Variants in GPHN observed in about 807,000 individuals in gnomAD.
GPHN encodes gephyrin.
GPHN carries 17 observed loss-of-function variants against 95.5 expected under a neutral mutation model. That is an observed-to-expected ratio of 0.18 (90% CI 0.12 to 0.27). GPHN has a LOEUF of 0.27. Ranked by LOEUF, GPHN falls within the 10% of genes least tolerant of loss-of-function variation. The pLI, the probability that GPHN is intolerant of heterozygous loss-of-function variation, is 1.00. For synonymous variants in GPHN, 320 were observed against 322.5 expected (o/e 0.99, Z 0.08); for missense variants, 660 against 978.1 (o/e 0.67, Z 4.34).
intron 2 of GPHN, among the ~76,000 whole-genome samples, chr14:66,748,315 T>C (rs1414693398): frequency 6.6e-6 from 1 of 152,068 alleles, no homozygotes; most frequent in Non-Finnish European, 1.5e-5. Flanking sequence ...ATAACATACT[T>C]TTAATTGATG....
At chr14:67,327,882 C>G in the GPHN span, among the ~76,000 whole-genome samples, 1 of 152,158 alleles carries the variant, frequency 6.6e-6, no homozygotes, top group African/African-American at 2.4e-5. Flanking sequence ...TTAATCCAGT[C>G]TATCATTGAT....
the GPHN span, among the ~76,000 whole-genome samples, chr14:67,301,662 C>A: frequency 6.6e-6 from 1 of 152,030 alleles, no homozygotes; most frequent in Admixed American, 6.6e-5. Flanking sequence ...ATTTTTGAAA[C>A]AACTTTTTCT....
At chr14:66,586,169 T>C (rs1226504483) in intron 1 of GPHN, among the ~76,000 whole-genome samples, 3 of 151,764 alleles carry the variant, frequency 2.0e-5, no homozygotes, top group Non-Finnish European at 4.4e-5. Context: ...CTTTTGCTCT[T>C]TGTTGGTTTA....
At chr14:67,634,430 C>CAAA in the GPHN span, among the ~76,000 whole-genome samples, 6 of 114,476 alleles carry the variant, frequency 5.2e-5, no homozygotes, top group Non-Finnish European at 7.5e-5. Context: ...CTATCTCTAC[C>CAAA]AAAAAAAAAA....
At chr14:67,562,590 C>A in the GPHN span, 1 of 1,612,806 alleles carries the variant, frequency 6.2e-7, no homozygotes, top group Non-Finnish European at 8.5e-7. Context: ...GCTCCTGGCA[C>A]CCCGCGGGAC....
the GPHN span, chr14:67,295,041 C>T: frequency 6.6e-6 from 1 of 151,638 alleles, no homozygotes; most frequent in African/African-American, 2.4e-5. Context: ...TTATAAACAC[C>T]TTTAAGAGAG....
the GPHN span, among the ~76,000 whole-genome samples, chr14:67,476,448 G>A: frequency 6.6e-6 from 1 of 152,102 alleles, no homozygotes; most frequent in Non-Finnish European, 1.5e-5. Context: ...TTAGCTGGGT[G>A]TGGTGGCATG....
At chr14:67,334,964 G>A in the GPHN span, 1 of 152,200 alleles carries the variant, frequency 6.6e-6, no homozygotes, top group Non-Finnish European at 1.5e-5. Flanking sequence ...GTTAGAGTGA[G>A]GGTGTAGGTA....
At chr14:67,290,533 A>C in the GPHN span, among the ~76,000 whole-genome samples, 2 of 152,192 alleles carry the variant, frequency 1.3e-5, no homozygotes, top group African/African-American at 4.8e-5. Context: ...ACATGCCACA[A>C]TGCCTGGCTA....
In GPHN at chr14:66,930,525, GTT is replaced by G. The variant is rs59312092; in HGVS notation, c.828+6250_828+6251del. Among the ~76,000 whole-genome samples the G allele has an allele frequency of 3.5e-3, 464 of 130,820 alleles. 2 individuals are homozygous for G. Among genetic ancestry groups the G allele is most frequent in the African/African-American group, 0.012 (410 of 34,830 alleles). 85.8% of individuals were successfully genotyped at this position (130,820 alleles called of 152,430 possible). Reference sequence around the variant, plus strand: ...AATAGTATGTCTCAAAAAGTTGTAGGTTTTTTTTTTTTTTTTTTGAGACAGGG... The same window carrying G: ...AATAGTATGTCTCAAAAAGTTGTAGGTTTTTTTTTTTTTTTTGAGACAGGG... On this transcript the variant is annotated intron_variant, in intron 8 of 22. Transcript: ENST00000478722.
chr14:66,754,536 C>T (rs950480797), intron 2 of GPHN, among the ~76,000 whole-genome samples: 4 of 151,864 alleles, frequency 2.6e-5, no homozygotes, highest in Non-Finnish European at 4.4e-5. Context: ...TAAGATAGGC[C>T]TTTTAAAACA....
chr14:67,205,758 C>T, the GPHN span, among the ~76,000 whole-genome samples: 8 of 152,148 alleles, frequency 5.3e-5, no homozygotes, highest in African/African-American at 9.6e-5. Flanking sequence ...TTTGGGCAAA[C>T]GTTAGTGACC....
At chr14:66,699,643 G>C (rs115499382) in intron 2 of GPHN, among the ~76,000 whole-genome samples, 192 of 152,182 alleles carry the variant, frequency 1.3e-3, no homozygotes, top group Non-Finnish European at 2.3e-3. Context: ...TTTTAATAGC[G>C]CATGCAAGAC....
chr14:67,592,525 C>G, the GPHN span: 2 of 645,088 alleles, frequency 3.1e-6, no homozygotes, highest in Non-Finnish European at 5.6e-6. Flanking sequence ...TCCTAATTAT[C>G]ACTCAAAACA....
chr14:67,221,731 T>A, the GPHN span: 20 of 1,606,484 alleles, frequency 1.2e-5, no homozygotes, highest in Non-Finnish European at 1.6e-5. Flanking sequence ...TTCTAAATAT[T>A]TGTGGTTATG....
At chr14:66,642,975 A>T (rs180734702) in intron 1 of GPHN, among the ~76,000 whole-genome samples, 71 of 152,184 alleles carry the variant, frequency 4.7e-4, no homozygotes, top group African/African-American at 1.7e-3. Context: ...ATTGGATCAC[A>T]TTAAAAATAA....
intron 1 of GPHN, among the ~76,000 whole-genome samples, chr14:66,616,122 T>C (rs186934466): frequency 8.1e-4 from 123 of 151,450 alleles, no homozygotes; most frequent in Non-Finnish European, 9.0e-4. Context: ...GTAGTATAGC[T>C]TGAACTCAAG....
chr14:66,635,440 A>G (rs2064044296), intron 1 of GPHN, among the ~76,000 whole-genome samples: 1 of 152,206 alleles, frequency 6.6e-6, no homozygotes, highest in Non-Finnish European at 1.5e-5. Context: ...CAATTTTCCA[A>G]ATAGTTTAAC....
chr14:67,655,869 C>A, the GPHN span, among the ~76,000 whole-genome samples: 1 of 152,074 alleles, frequency 6.6e-6, no homozygotes, highest in East Asian at 1.9e-4. Context: ...TTTCCCCTCA[C>A]TGAAGCAAAA....
Sources: gnomAD v4.1 joint callset for allele counts (sites outside exome capture counted in the v4.1 genomes callset) on GRCh38, gnomAD v4.1.1 for gene constraint, MANE v1.5 for transcripts, NCBI Gene and HGNC (gene_info 2026-07-23, HGNC 2026-07-21) for gene names.